Variants in ADAMTS18 observed in about 807,000 individuals in gnomAD.
ADAMTS18 encodes ADAM metallopeptidase with thrombospondin type 1 motif 18.
A neutral mutation model predicts 165.9 loss-of-function variants in ADAMTS18; 157 were observed. The ratio of observed to expected loss-of-function variants is 0.95; its 90% confidence interval spans 0.83 to 1.08. ADAMTS18 has a LOEUF of 1.08. Ranked by LOEUF, ADAMTS18 falls within the 50% of genes least tolerant of loss-of-function variation. The pLI is 0.00. For missense variants in ADAMTS18, 2,040 were observed against 1,534.0 expected (o/e 1.33, Z -5.51); for synonymous variants, 782 against 578.2 (o/e 1.35, Z -5.06).
intron 3 of ADAMTS18, among the ~76,000 whole-genome samples, chr16:77,430,386 G>A (rs1226102258): frequency 6.6e-6 from 1 of 152,128 alleles, no homozygotes; most frequent in African/African-American, 2.4e-5. Context: ...CAAAGAACAT[G>A]GGAGTCCGCA....
intron 3 of ADAMTS18, among the ~76,000 whole-genome samples, chr16:77,384,860 T>G (rs2057083437): frequency 6.6e-6 from 1 of 152,088 alleles, no homozygotes; most frequent in Non-Finnish European, 1.5e-5. Flanking sequence ...CATATATAGT[T>G]ATCAAAATAT....
At chr16:77,307,229 C>CGGAA in intron 16 of ADAMTS18, among the ~76,000 whole-genome samples, 1 of 152,266 alleles carries the variant, frequency 6.6e-6, no homozygotes, top group South Asian at 2.1e-4. Context: ...CTGTGTCTCA[C>CGGAA]GGAAAGAATG....
Position 77,300,256 on chromosome 16 carries a change from C to A in ADAMTS18, c.2674+7G>T. 2.5e-6 allele frequency: 4 copies of A among 1,613,958 alleles called. No individual in the cohort carries two copies. The highest frequency in any genetic ancestry group is 1.1e-5 in the South Asian group (1 of 91,084). On this transcript the variant is annotated splice_region_variant and intron_variant, in intron 17 of 22. Coordinates refer to ENST00000282849, the MANE Select transcript of ADAMTS18 (RefSeq NM_199355.4). ...GACTTTGGAGACAGAATGAGAAAAT[C>A]ATCTACCTCCACCACAGGAGACGGA... is the stretch of plus-strand genomic sequence containing the variant.
intron 16 of ADAMTS18, among the ~76,000 whole-genome samples, chr16:77,315,586 G>A (rs2055872784): frequency 6.6e-6 from 1 of 152,152 alleles, no homozygotes. Flanking sequence ...TGATATCTGT[G>A]AAGATCCTGT....
intron 22 of ADAMTS18, among the ~76,000 whole-genome samples, chr16:77,284,618 A>G (rs2055212997): frequency 6.6e-6 from 1 of 152,148 alleles, no homozygotes; most frequent in Non-Finnish European, 1.5e-5. Flanking sequence ...GACTCTGACC[A>G]TTAGCAAAAT....
At chr16:77,433,715 C>A (rs1258277492) in intron 2 of ADAMTS18, among the ~76,000 whole-genome samples, 2 of 152,170 alleles carry the variant, frequency 1.3e-5, no homozygotes, top group African/African-American at 4.8e-5. Context: ...GTAAGGTTTT[C>A]CTAGACACCT....
At chr16:77,416,377 TC>T (rs1453242505) in intron 3 of ADAMTS18, among the ~76,000 whole-genome samples, 1 of 152,134 alleles carries the variant, frequency 6.6e-6, no homozygotes, top group Admixed American at 6.6e-5. Context: ...TTGGGCTATG[TC>T]CCTACCCAAA....
rs369167381 is a variant in ADAMTS18, at chr16:77,364,324, G to C, written c.836C>G (p.Ser279Cys). 8 of 1,613,768 alleles carry C rather than the reference G, an allele frequency of 5.0e-6. No individual in the cohort carries two copies. Among genetic ancestry groups the C allele is most frequent in the African/African-American group, 1.3e-5 (1 of 74,820 alleles). Residue 279 changes from serine (S) to cysteine (C), a missense_variant, in exon 5 of 23, where the codon TCT (serine) becomes TGT (cysteine). By Grantham distance (112) the Ser-to-Cys change is moderately radical. Transcript: ENST00000282849. ...TYLRFDEYGS[S>C]GRPRRSAGKS... ...TCCAGCTGATCTTCTGGGTCGCCCA[G>C]AGCTCCCATATTCATCAAACCTTAG...
At chr16:77,331,513 C>G (rs531856117) in intron 12 of ADAMTS18, among the ~76,000 whole-genome samples, 7 of 152,176 alleles carry the variant, frequency 4.6e-5, no homozygotes, top group African/African-American at 7.2e-5. Context: ...AAAACAATAA[C>G]CTGGTATAAG....
chr16:77,376,595 G>T (rs997771344), intron 3 of ADAMTS18, among the ~76,000 whole-genome samples: 3 of 152,296 alleles, frequency 2.0e-5, no homozygotes, highest in East Asian at 1.9e-4. Flanking sequence ...AACTCACATT[G>T]CTTCTTCCTG....
chr16:77,300,873 T>C (rs1466949028), intron 16 of ADAMTS18, among the ~76,000 whole-genome samples: 5 of 152,062 alleles, frequency 3.3e-5, no homozygotes, highest in Non-Finnish European at 5.9e-5. Flanking sequence ...TTACAAGCTC[T>C]CTCCTGGGTG....
intron 3 of ADAMTS18, among the ~76,000 whole-genome samples, chr16:77,394,522 C>A (rs996777977): frequency 5.9e-5 from 9 of 151,962 alleles, no homozygotes; most frequent in Non-Finnish European, 1.0e-4. Context: ...AAAACTAAAC[C>A]ATTAGAAATT....
chr16:77,367,480 T>C lies in ADAMTS18; in HGVS notation c.739A>G (p.Arg247Gly), dbSNP rs142336246. 1.6e-5 allele frequency: 26 copies of C among 1,614,168 alleles called. No homozygotes were observed. In the African/African-American group the frequency reaches 2.5e-4, roughly 16 times the overall value. ...QSRETEYHHR[R>G]LQKQHFCGRR... ...CCACAAAAATGCTGCTTTTGCAACC[T>C]TCGATGGTGATACTCTGTCTCTCGA... Residue 247 changes from arginine (R) to glycine (G), a missense_variant, in exon 4 of 23, where the codon AGG (arginine) becomes GGG (glycine). Physicochemically the swap from Arg to Gly is moderately radical, Grantham distance 125. Transcript: ENST00000282849.
intron 12 of ADAMTS18, among the ~76,000 whole-genome samples, chr16:77,334,794 A>AT (rs2056275149): frequency 4.5e-5 from 1 of 22,066 alleles, no homozygotes; most frequent in Non-Finnish European, 7.7e-5. Context: ...CAGTAAATAT[A>AT]CTATATACTA....
chr16:77,411,742 A>G (rs898850045), intron 3 of ADAMTS18, among the ~76,000 whole-genome samples: 3 of 127,260 alleles, frequency 2.4e-5, no homozygotes, highest in African/African-American at 9.2e-5. Context: ...GCTGGAGTGC[A>G]GTGGCGCAAT....
rs2056725135 is a variant in ADAMTS18 at position 77,362,175 on chromosome 16, T to C, written c.1146A>G (p.Arg382=). Residue 382 remains arginine, a synonymous_variant, in exon 7 of 23, where the codon AGA becomes AGG. Coordinates refer to ENST00000282849, the MANE Select transcript of ADAMTS18 (RefSeq NM_199355.4). The part of the protein sequence containing the change: ...QSALIGKNGK[R]HDHAILLTGF... ...CTGTTAGTAAGATGGCATGATCATG[T>C]CTCTTGCCATTCTTTCCAATGAGGG... 6.2e-7 allele frequency: 1 copy of C among 1,614,080 alleles called. No homozygotes were observed.
rs758355981 is a variant in ADAMTS18, at chr16:77,353,826, C to T, written c.1521G>A (p.Pro507=). Residue 507 remains proline, a synonymous_variant, in exon 10 of 23, where the codon CCG becomes CCA. Transcript: ENST00000282849. ...EPKQAGQYKY[P]DKLPGQIYDA... is the part of the protein sequence containing the mutation. ...CATAAATCTGTCCTGGTAGTTTGTC[C>T]GGATATTTATACTGTCCTGCTTGCT... 129 of 1,614,082 alleles carry T rather than the reference C, an allele frequency of 8.0e-5. 1 individual carries two copies. The highest frequency in any genetic ancestry group is 5.6e-4 in the South Asian group (51 of 91,078).
At chr16:77,344,522 C>A (rs1213056254) in intron 10 of ADAMTS18, among the ~76,000 whole-genome samples, 1 of 152,028 alleles carries the variant, frequency 6.6e-6, no homozygotes, top group Admixed American at 6.6e-5. Flanking sequence ...AGAGATAGCA[C>A]TGAAATGATT....
At position 77,363,891 on chromosome 16, in the gene ADAMTS18, G is replaced by A. The variant is rs1381385526; in HGVS notation, c.973-6C>T. 6.2e-7 allele frequency: 1 copy of A among 1,613,378 alleles called. No homozygotes were observed. The highest frequency in any genetic ancestry group is 8.5e-7 in the Non-Finnish European group (1 of 1,179,708). Reference sequence around the variant, plus strand: ...TCTTTAAATAGGCCAGAAACCTGTTGGAACAATGGAAATCAAACAAAATCT... The same window carrying A: ...TCTTTAAATAGGCCAGAAACCTGTTAGAACAATGGAAATCAAACAAAATCT... On this transcript the variant is annotated splice_region_variant and splice_polypyrimidine_tract_variant and intron_variant, in intron 5 of 22. Coordinates refer to ENST00000282849, the MANE Select transcript of ADAMTS18 (RefSeq NM_199355.4).
Sources: gnomAD v4.1 joint callset for allele counts (sites outside exome capture counted in the v4.1 genomes callset) on GRCh38, gnomAD v4.1.1 for gene constraint, MANE v1.5 for transcripts, NCBI Gene and HGNC (gene_info 2026-07-23, HGNC 2026-07-21) for gene names.